The following CLNK variants were observed in gnomAD, a reference collection of about 807,000 sequenced individuals.
The protein encoded by CLNK is cytokine-dependent hematopoietic cell linker.
In CLNK, 74 loss-of-function variants were observed where a neutral mutation model predicts 68.6. That is an observed-to-expected ratio of 1.08 (90% CI 0.89 to 1.31). The LOEUF is 1.31. Ranked by LOEUF, CLNK falls within the 50% of genes most tolerant of loss-of-function variation. The pLI, the probability that CLNK is intolerant of heterozygous loss-of-function variation, is 0.00. For missense variants in CLNK, 553 were observed against 515.3 expected, an observed-to-expected ratio of 1.07 and a Z score of -0.71; for synonymous variants, 198 against 172.2, an observed-to-expected ratio of 1.15 and a Z score of -1.17.
chr4:10,653,031 TCCTTTGCAGGGA>T (rs1723815093), intron 2 of CLNK, among the ~76,000 whole-genome samples: 1 of 152,194 alleles, frequency 6.6e-6, no homozygotes, highest in African/African-American at 2.4e-5. Flanking sequence ...TGAGTTCATA[TCCTTTGCAGGGA>T]CATGGATGAC....
At chr4:10,626,715 C>A (rs572909887) in intron 2 of CLNK, among the ~76,000 whole-genome samples, 1 of 152,160 alleles carries the variant, frequency 6.6e-6, no homozygotes, top group Non-Finnish European at 1.5e-5. Flanking sequence ...TCCATGAAAT[C>A]ATATTTGATG....
chr4:10,687,062 A>G (rs1725298092), upstream of CLNK, among the ~76,000 whole-genome samples: 1 of 152,166 alleles, frequency 6.6e-6, no homozygotes. Flanking sequence ...AAATGAATGG[A>G]CTTCAGATAT....
chr4:10,615,545 C>A (rs2531190), intron 2 of CLNK, among the ~76,000 whole-genome samples: 150,105 of 152,220 alleles, frequency 0.99, 74,035 homozygotes, highest in Non-Finnish European at 1. Context: ...AAACAAAACA[C>A]CAAGAAAGAA....
rs1716386978 is a variant in CLNK, at chr4:10,487,300, A to T, written c.*3167T>A. Reference sequence around the variant, plus strand: ...CCTTGGTTCCAGTCGCGACTATGTCACTGTGAGATTTTGGCCAATGAGGTA... The same window carrying T: ...CCTTGGTTCCAGTCGCGACTATGTCTCTGTGAGATTTTGGCCAATGAGGTA... On this transcript the variant is annotated 3_prime_UTR_variant, in exon 19 of 19. Coordinates refer to ENST00000226951, the MANE Select transcript of CLNK (RefSeq NM_052964.4). The T allele has an allele frequency of 6.6e-6, 1 of 152,244 alleles. No individual in the cohort carries two copies. Among genetic ancestry groups the T allele is most frequent in the Non-Finnish European group, 1.5e-5 (1 of 68,042 alleles). 9.4% of individuals were successfully genotyped at this position (152,244 alleles called of 1,614,324 possible).
chr4:10,615,275 T>A (rs1030817601), intron 2 of CLNK, among the ~76,000 whole-genome samples: 4 of 151,754 alleles, frequency 2.6e-5, no homozygotes, highest in African/African-American at 9.7e-5. Context: ...AGGCCAGGAG[T>A]TCGAAACCAG....
chr4:10,512,333 C>A (rs1358651272), intron 16 of CLNK, among the ~76,000 whole-genome samples: 1 of 151,604 alleles, frequency 6.6e-6, no homozygotes, highest in Non-Finnish European at 1.5e-5. Flanking sequence ...CAGGTTCAAG[C>A]GATTCTTCTG....
At chr4:10,566,230 A>G (rs2108823964) in intron 5 of CLNK, 80 bp from the exon 6 acceptor site, 1 of 1,410,340 alleles carries the variant, frequency 7.1e-7, no homozygotes, top group Non-Finnish European at 9.7e-7. Context: ...GGCTAGAGAA[A>G]TGGGGTAGAC....
intron 3 of CLNK, among the ~76,000 whole-genome samples, chr4:10,589,907 C>A (rs61795146): frequency 0.39 from 59,731 of 152,106 alleles, 13,456 homozygotes; most frequent in Non-Finnish European, 0.51. Context: ...CAAGGATGCA[C>A]CCTGGCTGCC....
chr4:10,698,599 C>T, the CLNK span, among the ~76,000 whole-genome samples: 1 of 152,156 alleles, frequency 6.6e-6, no homozygotes, highest in Non-Finnish European at 1.5e-5. Context: ...AGAGCTCCTT[C>T]CAAAATTCTC....
At chr4:10,613,271 G>C (rs1722100605) in intron 2 of CLNK, among the ~76,000 whole-genome samples, 1 of 152,154 alleles carries the variant, frequency 6.6e-6, no homozygotes, top group South Asian at 2.1e-4. Context: ...AGGTGGGTAT[G>C]AATAGTCCTT....
At position 10,641,492 on chromosome 4, in the gene CLNK, G is replaced by C. The variant is rs78600479; in HGVS notation, c.11+26367C>G. ...CCCATTGCCCTTGGGATAGAATCCA[G>C]ACGTTATGCCAAGACTGTAGTGGAT... On this transcript the variant is annotated intron_variant, in intron 2 of 18. Transcript: ENST00000226951. 9.2e-3 allele frequency among the ~76,000 whole-genome samples: 1,400 copies of C among 152,322 alleles called. 43 individuals carry two copies. The East Asian group carries it at 0.12, about 13-fold the overall frequency.
chr4:10,529,167 A>G (rs1411680786), intron 12 of CLNK, among the ~76,000 whole-genome samples: 1 of 152,250 alleles, frequency 6.6e-6, no homozygotes, highest in East Asian at 1.9e-4. Flanking sequence ...GATGAAAGAG[A>G]TCATTGAATG....
intron 18 of CLNK, among the ~76,000 whole-genome samples, chr4:10,495,616 G>A (rs576564469): frequency 6.6e-6 from 1 of 152,290 alleles, no homozygotes; most frequent in South Asian, 2.1e-4. Context: ...ACCTTACATT[G>A]TAGAAGAGCT....
chr4:10,500,832 A>G (rs983551497), intron 18 of CLNK, among the ~76,000 whole-genome samples: 1 of 152,218 alleles, frequency 6.6e-6, no homozygotes, highest in Non-Finnish European at 1.5e-5. Flanking sequence ...CATGCCCAAC[A>G]TAGCCCTAAT....
intron 7 of CLNK, among the ~76,000 whole-genome samples, chr4:10,563,369 CAA>C (rs1320837461): frequency 6.6e-6 from 1 of 152,080 alleles, no homozygotes; most frequent in African/African-American, 2.4e-5. Context: ...TAAATGGAAA[CAA>C]TTTTTTAGAA....
chr4:10,686,973 T>TA (rs1725295263), upstream of CLNK, among the ~76,000 whole-genome samples: 3 of 152,134 alleles, frequency 2.0e-5, no homozygotes, highest in Non-Finnish European at 4.4e-5. Context: ...AGCAGCTCTA[T>TA]TAGGTGCTGA....
chr4:10,693,087 C>T, the CLNK span, among the ~76,000 whole-genome samples: 1 of 152,114 alleles, frequency 6.6e-6, no homozygotes, highest in African/African-American at 2.4e-5. Flanking sequence ...CTGGGCCATT[C>T]GGGAACCAGC....
intron 8 of CLNK, among the ~76,000 whole-genome samples, chr4:10,551,009 C>A (rs368406577): frequency 1.1e-4 from 17 of 152,328 alleles, no homozygotes; most frequent in African/African-American, 3.6e-4. Context: ...AACAGAAACA[C>A]TGGACAAAGA....
intron 18 of CLNK, among the ~76,000 whole-genome samples, chr4:10,499,278 C>CCT (rs1716938669): frequency 6.6e-6 from 1 of 152,210 alleles, no homozygotes; most frequent in Non-Finnish European, 1.5e-5. Flanking sequence ...TAAAGGCTCT[C>CCT]GTGCCCCTTT....
Sources: gnomAD v4.1 joint callset for allele counts (sites outside exome capture counted in the v4.1 genomes callset) on GRCh38, gnomAD v4.1.1 for gene constraint, MANE v1.5 for transcripts, NCBI Gene and HGNC (gene_info 2026-07-23, HGNC 2026-07-21) for gene names.